PLCXD3: variants seen among roughly 807,000 people sequenced by gnomAD.
PLCXD3 encodes PI-PLC X domain-containing protein 3.
Under a neutral mutation model 25.5 loss-of-function variants are expected in PLCXD3, and 19 were observed. The ratio of observed to expected loss-of-function variants is 0.75; its 90% CI spans 0.52 to 1.09. The LOEUF (loss-of-function observed/expected upper bound fraction) is 1.09. Among genes scored for constraint, PLCXD3 ranks in the 50% least tolerant of loss-of-function variants. The pLI is 0.00. For synonymous variants in PLCXD3, 174 were observed against 137.6 expected (o/e 1.26, Z -1.85); for missense variants, 411 against 388.1 (o/e 1.06, Z -0.50).
intron 1 of PLCXD3, among the ~76,000 whole-genome samples, chr5:41,430,698 CT>C (rs1266022079): frequency 2.0e-5 from 3 of 152,160 alleles, no homozygotes; most frequent in Non-Finnish European, 4.4e-5. Context: ...AGTTTCTCTT[CT>C]GAATCCCTTC....
chr5:41,480,832 C>G (rs1223091056), intron 1 of PLCXD3, among the ~76,000 whole-genome samples: 1 of 151,944 alleles, frequency 6.6e-6, no homozygotes, highest in Non-Finnish European at 1.5e-5. Context: ...GAGGCTTGAA[C>G]CCGGGAGGTG....
intron 1 of PLCXD3, among the ~76,000 whole-genome samples, chr5:41,394,841 G>A (rs1173843358): frequency 6.6e-6 from 1 of 152,098 alleles, no homozygotes; most frequent in Non-Finnish European, 1.5e-5. Context: ...TATTATCAGA[G>A]CTAAAGAAAG....
chr5:41,478,484 T>G (rs138107336), intron 1 of PLCXD3, among the ~76,000 whole-genome samples: 1 of 152,176 alleles, frequency 6.6e-6, no homozygotes, highest in African/African-American at 2.4e-5. Flanking sequence ...ATCTAAAACA[T>G]CATTAATAAG....
intron 1 of PLCXD3, among the ~76,000 whole-genome samples, chr5:41,419,620 T>C (rs1746772683): frequency 6.6e-6 from 1 of 152,206 alleles, no homozygotes; most frequent in South Asian, 2.1e-4. Context: ...TAGAATGATA[T>C]AATTCTATTG....
At chr5:41,344,397 G>A (rs1204800024) in intron 2 of PLCXD3, among the ~76,000 whole-genome samples, 1 of 151,910 alleles carries the variant, frequency 6.6e-6, no homozygotes, top group African/African-American at 2.4e-5. Flanking sequence ...ATTTTCCACA[G>A]CAAAATGAAA....
At chr5:41,348,193 A>G (rs1230774906) in intron 2 of PLCXD3, among the ~76,000 whole-genome samples, 1 of 152,194 alleles carries the variant, frequency 6.6e-6, no homozygotes, top group African/African-American at 2.4e-5. Context: ...TCTGGATGCT[A>G]TTTTCAAAAC....
chr5:41,390,522 T>C (rs1745779938), intron 1 of PLCXD3, among the ~76,000 whole-genome samples: 1 of 152,122 alleles, frequency 6.6e-6, no homozygotes, highest in South Asian at 2.1e-4. Flanking sequence ...CTTGGTAATG[T>C]CAGTCTTTTT....
chr5:41,411,131 C>T (rs1185229938), intron 1 of PLCXD3, among the ~76,000 whole-genome samples: 1 of 152,162 alleles, frequency 6.6e-6, no homozygotes, highest in Non-Finnish European at 1.5e-5. Flanking sequence ...AAATACAAAA[C>T]CTGGCAAATA....
At chr5:41,362,774 T>C (rs184082796) in intron 2 of PLCXD3, among the ~76,000 whole-genome samples, 1 of 152,196 alleles carries the variant, frequency 6.6e-6, no homozygotes, top group Admixed American at 6.5e-5. Flanking sequence ...AACCATGTAG[T>C]TTATTATAGT....
At chr5:41,330,021 G>A (rs1743748628) in intron 2 of PLCXD3, among the ~76,000 whole-genome samples, 1 of 151,650 alleles carries the variant, frequency 6.6e-6, no homozygotes, top group South Asian at 2.1e-4. Flanking sequence ...GAACAATTGT[G>A]GATAATAAAA....
At chr5:41,493,131 G>A (rs1395157685) in intron 1 of PLCXD3, among the ~76,000 whole-genome samples, 2 of 152,168 alleles carry the variant, frequency 1.3e-5, no homozygotes, top group African/African-American at 4.8e-5. Flanking sequence ...CTTTCTGTTT[G>A]TTAGTTTTCC....
At chr5:41,321,689 TACTA>T (rs1490813456) in intron 2 of PLCXD3, among the ~76,000 whole-genome samples, 3 of 151,980 alleles carry the variant, frequency 2.0e-5, no homozygotes, top group African/African-American at 7.3e-5. Context: ...TGCAGAGAAA[TACTA>T]ACTAACACAG....
At chr5:41,322,533 G>A in intron 2 of PLCXD3, among the ~76,000 whole-genome samples, 1 of 152,214 alleles carries the variant, frequency 6.6e-6, no homozygotes, top group East Asian at 1.9e-4. Flanking sequence ...GAGCTACCAA[G>A]TGATCCAGCA....
intron 1 of PLCXD3, among the ~76,000 whole-genome samples, chr5:41,500,744 A>C (rs1045239220): frequency 2.0e-5 from 3 of 151,916 alleles, no homozygotes; most frequent in Non-Finnish European, 4.4e-5. Flanking sequence ...CTAACTAAAA[A>C]GCCTCTCTGC....
In PLCXD3 at chr5:41,510,467, C is replaced by A. The variant is rs1454944520; in HGVS notation, c.60G>T (p.Pro20=). Residue 20 remains proline, a synonymous_variant, in exon 1 of 3, where the codon CCG becomes CCT. Transcript: ENST00000377801. ...LKLADWMATL[P]ESMHSIPLTN... is the part of the protein sequence containing the mutation. Reference sequence around the variant, plus strand: ...TGAGGGGGATGCTGTGCATGCTCTCCGGCAGAGTTGCCATCCAGTCGGCTA... The same window carrying A: ...TGAGGGGGATGCTGTGCATGCTCTCAGGCAGAGTTGCCATCCAGTCGGCTA... 1 of 1,612,402 alleles carries A rather than the reference C, an allele frequency of 6.2e-7. No individual in the cohort carries two copies. Among genetic ancestry groups the A allele is most frequent in the Admixed American group, 1.7e-5 (1 of 59,842 alleles).
intron 1 of PLCXD3, among the ~76,000 whole-genome samples, chr5:41,408,734 C>T: frequency 6.6e-6 from 1 of 152,160 alleles, no homozygotes; most frequent in East Asian, 1.9e-4. Flanking sequence ...CATAAGAATA[C>T]GGTGTCGCAT....
chr5:41,313,437 T>C lies in PLCXD3; in HGVS notation c.*180A>G. The C allele has an allele frequency of 1.9e-6, 1 of 533,212 alleles. No individual in the cohort carries two copies. Among genetic ancestry groups the C allele is most frequent in the South Asian group, 3.4e-5 (1 of 29,302 alleles). 33.0% of individuals were successfully genotyped at this position (533,212 alleles called of 1,614,324 possible). A position where few individuals can be genotyped will look rare whatever the true frequency, so the allele number is the denominator to read the frequency against. The stretch of plus-strand genomic sequence containing the variant: ...CATCAAATGGGAAATGAAATATTTA[T>C]AGTAATGAAGAGTATGATTGTAATC... On this transcript the variant is annotated 3_prime_UTR_variant, in exon 3 of 3. Coordinates refer to ENST00000377801, the MANE Select transcript of PLCXD3 (RefSeq NM_001005473.3).
At chr5:41,502,821 A>G (rs1037166480) in intron 1 of PLCXD3, among the ~76,000 whole-genome samples, 22 of 152,322 alleles carry the variant, frequency 1.4e-4, no homozygotes, top group African/African-American at 5.3e-4. Context: ...CATTAAGATC[A>G]TCTCCAAAGG....
chr5:41,443,538 G>C (rs1042021272), intron 1 of PLCXD3, among the ~76,000 whole-genome samples: 1 of 152,090 alleles, frequency 6.6e-6, no homozygotes, highest in African/African-American at 2.4e-5. Flanking sequence ...CATGTAATCA[G>C]TCATTACAAA....
Sources: allele counts gnomAD v4.1 joint callset (sites outside exome capture counted in the v4.1 genomes callset), GRCh38; gene constraint gnomAD v4.1.1; transcripts MANE v1.5; gene names NCBI Gene and HGNC (gene_info 2026-07-23, HGNC 2026-07-21).